GABRA3: variants seen among roughly 807,000 people sequenced by gnomAD.
The protein encoded by GABRA3 is gamma-aminobutyric acid type A receptor subunit alpha3.
In GABRA3, 10 loss-of-function variants were observed where a neutral mutation model predicts 30.1. The ratio of observed to expected loss-of-function variants is 0.33; its 90% CI spans 0.20 to 0.56. GABRA3 has a LOEUF of 0.56. Among genes scored for constraint, GABRA3 ranks in the 20% least tolerant of loss-of-function variants. The pLI, the probability that GABRA3 is intolerant of heterozygous loss-of-function variation, is 0.89. For synonymous variants in GABRA3, 151 were observed against 146.8 expected (o/e 1.03, Z -0.21); for missense variants, 233 against 392.0 (o/e 0.59, Z 3.42).
chrX:152,430,932 G>A (rs1161198135), intron 1 of GABRA3, among the ~76,000 whole-genome samples: 1 of 110,126 alleles, frequency 9.1e-6, no homozygotes, highest in Non-Finnish European at 1.9e-5. Context: ...GTGAGAATGA[G>A]TAAATGAGAG....
intron 2 of GABRA3, 49 bp downstream of exon 2, chrX:152,364,382 C>T (rs1331653242): frequency 1.7e-6 from 2 of 1,155,487 alleles, no homozygotes; most frequent in African/African-American, 1.8e-5. Context: ...TGGTCTGAGG[C>T]AAACATTTAT....
intron 1 of GABRA3, among the ~76,000 whole-genome samples, chrX:152,440,242 T>C (rs1182348567): frequency 8.9e-6 from 1 of 112,322 alleles, no homozygotes; most frequent in African/African-American, 3.2e-5. Flanking sequence ...AAGAACACAT[T>C]TATGCAGCCA....
intron 1 of GABRA3, among the ~76,000 whole-genome samples, chrX:152,383,754 C>A (rs887538382): frequency 9.2e-6 from 1 of 108,938 alleles, no homozygotes; most frequent in Non-Finnish European, 1.9e-5. Flanking sequence ...ACATCATTCT[C>A]GACAGCGAAA....
intron 1 of GABRA3, among the ~76,000 whole-genome samples, chrX:152,415,312 A>T (rs1471038404): frequency 9.0e-6 from 1 of 111,464 alleles, no homozygotes; most frequent in Non-Finnish European, 1.9e-5. Context: ...CTGTAAACCT[A>T]AAACTACTCT....
At chrX:152,294,999 A>T (rs766970353) in intron 3 of GABRA3, among the ~76,000 whole-genome samples, 3 of 111,513 alleles carry the variant, frequency 2.7e-5, no homozygotes, top group Non-Finnish European at 5.7e-5. Context: ...GGGTATCACC[A>T]GTGGAGGCTG....
At chrX:152,419,434 A>C (rs989992510) in intron 1 of GABRA3, among the ~76,000 whole-genome samples, 2 of 112,001 alleles carry the variant, frequency 1.8e-5, no homozygotes, top group African/African-American at 3.2e-5. Context: ...GGAGGGCATC[A>C]TTACAGATCC....
At chrX:152,280,136 T>G (rs1939172570) in intron 4 of GABRA3, among the ~76,000 whole-genome samples, 2 of 111,355 alleles carry the variant, frequency 1.8e-5, no homozygotes, top group African/African-American at 6.5e-5. Flanking sequence ...TGGCCAGAAC[T>G]TCCAACACTA....
chrX:152,342,259 T>C (rs1480827068), intron 3 of GABRA3, among the ~76,000 whole-genome samples: 3 of 112,585 alleles, frequency 2.7e-5, no homozygotes, highest in African/African-American at 6.4e-5. Flanking sequence ...TGATTAGTGA[T>C]GTTGAGCAGT....
At chrX:152,351,130 C>T (rs1299234344) in intron 2 of GABRA3, among the ~76,000 whole-genome samples, 1 of 111,448 alleles carries the variant, frequency 9.0e-6, no homozygotes, top group Non-Finnish European at 1.9e-5. Context: ...AGGATTTTCC[C>T]AATAGTAAAT....
At chrX:152,336,433 C>G (rs1158568294) in intron 3 of GABRA3, among the ~76,000 whole-genome samples, 1 of 112,234 alleles carries the variant, frequency 8.9e-6, no homozygotes, top group Non-Finnish European at 1.9e-5. Context: ...GCCAGACAAA[C>G]ATCTTCATTA....
At position 152,238,706 on chromosome X, in the gene GABRA3, C is replaced by G. The variant is rs1284001106; in HGVS notation, c.552-13861G>C. Reference sequence around the variant, plus strand: ...GGTCTATTCAGAGATTCAACTTCTTCCTGGTTTAGTCTTGGGAGAGTGTAT... The same window carrying G: ...GGTCTATTCAGAGATTCAACTTCTTGCTGGTTTAGTCTTGGGAGAGTGTAT... On this transcript the variant is annotated intron_variant, in intron 5 of 9. Coordinates refer to ENST00000370314, the MANE Select transcript of GABRA3 (RefSeq NM_000808.4). 8.3e-5 allele frequency among the ~76,000 whole-genome samples: 9 copies of G among 108,176 alleles called. No individual in the cohort carries two copies. In the East Asian group the frequency reaches 2.7e-3, roughly 32 times the overall value. 93.9% of individuals were successfully genotyped at this position (108,176 alleles called of 115,157 possible). A position where few individuals can be genotyped will look rare whatever the true frequency, so the allele number is the denominator to read the frequency against.
At chrX:152,381,696 CT>C (rs941319016) in intron 1 of GABRA3, among the ~76,000 whole-genome samples, 1 of 109,849 alleles carries the variant, frequency 9.1e-6, no homozygotes, top group African/African-American at 3.3e-5. Context: ...TATCCCTCCC[CT>C]AACCCCCCCC....
At chrX:152,333,971 A>G (rs1940198265) in intron 3 of GABRA3, among the ~76,000 whole-genome samples, 1 of 111,534 alleles carries the variant, frequency 9.0e-6, no homozygotes, top group Non-Finnish European at 1.9e-5. Context: ...ACAAGGCTGG[A>G]TGACTTATAT....
intron 7 of GABRA3, among the ~76,000 whole-genome samples, chrX:152,199,275 A>G (rs948109723): frequency 6.6e-5 from 7 of 105,290 alleles, no homozygotes; most frequent in Non-Finnish European, 1.4e-4. Context: ...CTGAGGCAGG[A>G]GAATGGCGTG....
intron 6 of GABRA3, among the ~76,000 whole-genome samples, chrX:152,215,544 A>G (rs1448850397): frequency 9.0e-6 from 1 of 111,178 alleles, no homozygotes; most frequent in Non-Finnish European, 1.9e-5. Flanking sequence ...CTGCATGTCC[A>G]CATGTACAAG....
intron 1 of GABRA3, among the ~76,000 whole-genome samples, chrX:152,437,559 A>G (rs1316127475): frequency 9.0e-6 from 1 of 111,669 alleles, no homozygotes; most frequent in Non-Finnish European, 1.9e-5. Flanking sequence ...AAGACAAAAG[A>G]CCCAGAATAG....
At chrX:152,252,564 T>A (rs1009160962) in intron 5 of GABRA3, among the ~76,000 whole-genome samples, 3 of 111,599 alleles carry the variant, frequency 2.7e-5, no homozygotes, top group Admixed American at 9.6e-5. Flanking sequence ...ACAGTGTCTG[T>A]CATATTTTAA....
rs919686790 is a variant in GABRA3 at position 152,389,838 on chromosome X, G to C, written c.-26-25242C>G. Reference sequence around the variant, plus strand: ...CCAATACACAGAAGATGGCATTTTCGGTGCAGGATCAAACTATAATGGCTC... The same window carrying C: ...CCAATACACAGAAGATGGCATTTTCCGTGCAGGATCAAACTATAATGGCTC... On this transcript the variant is annotated intron_variant, in intron 1 of 9. Coordinates refer to ENST00000370314, the MANE Select transcript of GABRA3 (RefSeq NM_000808.4). 5.4e-5 allele frequency among the ~76,000 whole-genome samples: 6 copies of C among 110,494 alleles called. No homozygotes were observed. In the Admixed American group the frequency reaches 5.9e-4, roughly 11 times the overall value.
chrX:152,214,454 C>T (rs1937678965), intron 6 of GABRA3, among the ~76,000 whole-genome samples: 1 of 111,332 alleles, frequency 9.0e-6, no homozygotes, highest in African/African-American at 3.3e-5. Context: ...TTTTATGCCA[C>T]TACCATGCTG....
Sources: allele counts gnomAD v4.1 joint callset (sites outside exome capture counted in the v4.1 genomes callset), GRCh38; gene constraint gnomAD v4.1.1; transcripts MANE v1.5; gene names NCBI Gene and HGNC (gene_info 2026-07-23, HGNC 2026-07-21).